HMCN1: variants seen among roughly 807,000 people sequenced by gnomAD.
HMCN1 encodes hemicentin-1.
HMCN1 carries 321 observed loss-of-function variants against 625.9 expected under a neutral mutation model. The ratio of observed to expected loss-of-function variants is 0.51; its 90% CI spans 0.47 to 0.56. The LOEUF (loss-of-function observed/expected upper bound fraction) is 0.56, where lower values mean the gene tolerates loss of function less well. HMCN1 is among the 20% of genes least tolerant of loss of function. HMCN1 has a pLI of 0.00. For synonymous variants in HMCN1, 2,425 were observed against 2,417.6 expected (o/e 1.00, Z -0.09); for missense variants, 6,588 against 6,887.3 (o/e 0.96, Z 1.54).
intron 14 of HMCN1, among the ~76,000 whole-genome samples, chr1:185,968,797 T>C (rs1054951243): frequency 7.9e-5 from 12 of 152,116 alleles, no homozygotes; most frequent in Admixed American, 6.6e-4. Context: ...TTACCTAATA[T>C]TAAAAGTAAA....
chr1:186,166,316 C>G lies in HMCN1; in HGVS notation c.15439+13C>G, dbSNP rs763774395. On this transcript the variant is annotated intron_variant, in intron 99 of 106. Coordinates refer to ENST00000271588, the MANE Select transcript of HMCN1 (RefSeq NM_031935.3). ...AGAACTTGTCAAGGTATTCACAAAT[C>G]TAATACACACATTTAAGCAATGGGT... 4.3e-6 allele frequency: 7 copies of G among 1,614,010 alleles called. No homozygotes were observed. Among genetic ancestry groups the G allele is most frequent in the Non-Finnish European group, 5.9e-6 (7 of 1,179,954 alleles).
intron 1 of HMCN1, among the ~76,000 whole-genome samples, chr1:185,785,201 AGGTAGATAG>A (rs1657476854): frequency 6.6e-6 from 1 of 152,178 alleles, no homozygotes; most frequent in African/African-American, 2.4e-5. Context: ...GCTTGGAAAT[AGGTAGATAG>A]GTATTGCCCA....
chr1:185,734,518 TC>T lies in HMCN1; in HGVS notation c.-260del. ...GCCGCCCGCACTCCGCCACAGGCTGTCCAGGGCCCGCGGGCAGATAGCAGTC... is the reference window on the plus strand; with the variant it reads ...GCCGCCCGCACTCCGCCACAGGCTGTCAGGGCCCGCGGGCAGATAGCAGTC... On this transcript the variant is annotated 5_prime_UTR_variant, in exon 1 of 107. It removes the in-frame stop codon of an upstream open reading frame in the 5' UTR. Transcript: ENST00000271588. The T allele has an allele frequency of 4.2e-6, 2 of 481,776 alleles. No homozygotes were observed. The highest frequency in any genetic ancestry group is 3.6e-5 in the East Asian group (1 of 27,586). The allele number at this position is 481,776 out of a possible 1,614,324, so 29.8% of individuals were successfully genotyped here.
At chr1:186,003,132 G>C (rs1429511967) in intron 28 of HMCN1, among the ~76,000 whole-genome samples, 2 of 152,080 alleles carry the variant, frequency 1.3e-5, no homozygotes, top group Non-Finnish European at 2.9e-5. Flanking sequence ...TCATTTTTCT[G>C]AGGATGAAGA....
At position 186,178,607 on chromosome 1, in the gene HMCN1, A is replaced by G; in HGVS notation, c.16135A>G (p.Arg5379Gly). 6.2e-7 allele frequency: 1 copy of G among 1,614,168 alleles called. No homozygotes were observed. The highest frequency in any genetic ancestry group is 8.5e-7 in the Non-Finnish European group (1 of 1,180,006). ...SYNLARFSPVRNNYQPQQHYR... is the reference protein window; with the variant it reads ...SYNLARFSPVGNNYQPQQHYR... ...TAACCTTGCACGGTTCTCCCCTGTG[A>G]GAAACAACTATCAACCTCAACAGCA... Residue 5379 changes from arginine (R) to glycine (G), a missense_variant, in exon 104 of 107, where the codon AGA becomes GGA. This residue lies in a region of HMCN1 where 1,954 missense variants were observed against 2,013.1 expected (regional missense o/e 0.97). Transcript: ENST00000271588.
Position 185,997,426 on chromosome 1 carries a change from T to C in HMCN1, c.3779-3T>C, listed in dbSNP as rs1571687896. On this transcript the variant is annotated splice_region_variant and splice_polypyrimidine_tract_variant and intron_variant, in intron 24 of 106. Coordinates refer to ENST00000271588, the MANE Select transcript of HMCN1 (RefSeq NM_031935.3). ...TGTGATAATGCATTTATTTTCCTAA[T>C]AGAACCACCCACAGTGGAAGATCTA... is the stretch of plus-strand genomic sequence containing the variant. The C allele has an allele frequency of 6.2e-7, 1 of 1,600,778 alleles. No homozygotes were observed. The highest frequency in any genetic ancestry group is 2.2e-5 in the East Asian group (1 of 44,736).
chr1:186,097,671 T>C (rs569821475), intron 68 of HMCN1, among the ~76,000 whole-genome samples: 4 of 152,104 alleles, frequency 2.6e-5, no homozygotes, highest in South Asian at 4.1e-4. Context: ...GAAAATACCA[T>C]TGGCATTCTT....
intron 82 of HMCN1, 26 bp from the exon 83 acceptor site, chr1:186,128,052 T>C: frequency 1.9e-6 from 3 of 1,598,402 alleles, no homozygotes; most frequent in Non-Finnish European, 2.6e-6. Context: ...TTATGAAATT[T>C]TAAATGTTAC....
chr1:186,107,210 T>A (rs1448779728), intron 70 of HMCN1, among the ~76,000 whole-genome samples: 1 of 152,076 alleles, frequency 6.6e-6, no homozygotes. Context: ...CTCAGCCTCC[T>A]GAGTAGCTGG....
chr1:185,955,191 A>T (rs1649534759), intron 11 of HMCN1, among the ~76,000 whole-genome samples: 1 of 152,044 alleles, frequency 6.6e-6, no homozygotes, highest in Non-Finnish European at 1.5e-5. Context: ...ATTCCAATCC[A>T]TCTTCCACTG....
chr1:185,891,382 A>G (rs1306172457), intron 4 of HMCN1, among the ~76,000 whole-genome samples: 1 of 147,356 alleles, frequency 6.8e-6, no homozygotes, highest in Non-Finnish European at 1.5e-5. Flanking sequence ...TTTGCTCGTT[A>G]GTTGATGCAG....
At chr1:186,013,298 CAATT>C (rs1054099501) in intron 30 of HMCN1, among the ~76,000 whole-genome samples, 18 of 152,044 alleles carry the variant, frequency 1.2e-4, no homozygotes, top group African/African-American at 4.1e-4. Flanking sequence ...TTTTTGTCAA[CAATT>C]AAGAAATATA....
intron 15 of HMCN1, among the ~76,000 whole-genome samples, chr1:185,971,273 A>G (rs1299185979): frequency 6.6e-6 from 1 of 152,242 alleles, no homozygotes; most frequent in South Asian, 2.1e-4. Flanking sequence ...AAAAAATTCA[A>G]TAGCAATTAC....
At chr1:185,808,700 G>A (rs981005362) in intron 1 of HMCN1, among the ~76,000 whole-genome samples, 2 of 152,110 alleles carry the variant, frequency 1.3e-5, no homozygotes, top group African/African-American at 2.4e-5. Context: ...AAACTACATG[G>A]GATAAGAGAG....
At chr1:185,836,012 T>A (rs540960892) in intron 1 of HMCN1, among the ~76,000 whole-genome samples, 1 of 152,110 alleles carries the variant, frequency 6.6e-6, no homozygotes, top group Non-Finnish European at 1.5e-5. Context: ...AGTGAGAGGA[T>A]TGAAAAAGAA....
intron 91 of HMCN1, 23 bp from the exon 92 acceptor site, chr1:186,145,380 T>C: frequency 6.5e-7 from 1 of 1,531,380 alleles, no homozygotes; most frequent in Non-Finnish European, 8.8e-7. Context: ...TCTGTTTTCA[T>C]CTCAGATTAT....
chr1:186,179,590 A>G (rs1212097756), intron 104 of HMCN1, among the ~76,000 whole-genome samples: 1 of 152,162 alleles, frequency 6.6e-6, no homozygotes, highest in Non-Finnish European at 1.5e-5. Context: ...GCAAAGAAAG[A>G]ACATAGGAGA....
intron 1 of HMCN1, among the ~76,000 whole-genome samples, chr1:185,744,881 A>G (rs1654278520): frequency 6.6e-6 from 1 of 152,204 alleles, no homozygotes; most frequent in Non-Finnish European, 1.5e-5. Flanking sequence ...TTAGATCTCT[A>G]TCTCCTGGAT....
chr1:185,999,013 A>G (rs1652996954), intron 25 of HMCN1, among the ~76,000 whole-genome samples: 1 of 152,058 alleles, frequency 6.6e-6, no homozygotes, highest in Admixed American at 6.6e-5. Flanking sequence ...GCACAATTAA[A>G]TAGGTCAATC....
Sources: gnomAD v4.1 joint callset for allele counts (sites outside exome capture counted in the v4.1 genomes callset) on GRCh38, gnomAD v4.1.1 for gene constraint, gnomAD v4.1.1 regional missense constraint, MANE v1.5 for transcripts, NCBI Gene and HGNC (gene_info 2026-07-23, HGNC 2026-07-21) for gene names.